Variants in USP9X observed in about 807,000 individuals in gnomAD.
USP9X encodes the protein ubiquitin carboxyl-terminal hydrolase 9X.
A neutral mutation model predicts 190.3 loss-of-function variants in USP9X; 7 were observed. That is an observed-to-expected ratio of 0.04 (90% CI 0.02 to 0.07). The LOEUF is 0.07. Ranked by LOEUF, USP9X falls within the 10% of genes least tolerant of loss-of-function variation. USP9X has a pLI of 1.00. For missense variants in USP9X, 1,010 were observed against 1,916.9 expected, an observed-to-expected ratio of 0.53 and a Z score of 8.83; for synonymous variants, 645 against 659.5, an observed-to-expected ratio of 0.98 and a Z score of 0.34.
chrX:41,112,746 G>A (rs2062119344), intron 1 of USP9X, among the ~76,000 whole-genome samples: 1 of 112,015 alleles, frequency 8.9e-6, no homozygotes, highest in African/African-American at 3.2e-5. Flanking sequence ...TGATTGTGAG[G>A]TGTATGCTAC....
rs1238214254 is a variant in USP9X, at chrX:41,127,865, C to T, written c.97-1135C>T. Among the ~76,000 whole-genome samples, 3 of 111,975 alleles carry T rather than the reference C, an allele frequency of 2.7e-5. No homozygotes were observed. In the Admixed American group the frequency reaches 2.8e-4, roughly 11 times the overall value. ...CCGTTTCTCTTAAAGGGCCATCAGC[C>T]TATAGTGAATAGAAAATTCAAGAAC... On this transcript the variant is annotated intron_variant, in intron 2 of 44. Coordinates refer to ENST00000378308, the MANE Select transcript of USP9X (RefSeq NM_001039591.3).
At chrX:41,161,623 A>G (rs1212966776) in intron 14 of USP9X, among the ~76,000 whole-genome samples, 2 of 70,023 alleles carry the variant, frequency 2.9e-5, no homozygotes, top group Admixed American at 3.8e-4. Context: ...GGCGTGAGCC[A>G]TGGCGCCCTG....
rs891557393 is a variant in USP9X, at chrX:41,180,377, C to T, written c.3149-3621C>T. Among the ~76,000 whole-genome samples, 7 of 112,676 alleles carry T rather than the reference C, an allele frequency of 6.2e-5. No individual in the cohort carries two copies. The East Asian group carries it at 8.3e-4, about 13-fold the overall frequency. On this transcript the variant is annotated intron_variant, in intron 21 of 44. Transcript: ENST00000378308. ...ACTGAATCCTTGATCTTGTGATTGG[C>T]GCTTAATGCCACCAGATGGCGAGCA...
intron 2 of USP9X, among the ~76,000 whole-genome samples, chrX:41,127,112 C>T: frequency 9.0e-6 from 1 of 111,208 alleles, no homozygotes; most frequent in Non-Finnish European, 1.9e-5. Flanking sequence ...AATTATATAT[C>T]CAGGATCCTA....
intron 1 of USP9X, among the ~76,000 whole-genome samples, chrX:41,116,366 G>A: frequency 8.9e-6 from 1 of 112,259 alleles, no homozygotes; most frequent in Middle Eastern, 4.6e-3. Flanking sequence ...GTTGTGTGTA[G>A]GATACTGCTG....
At chrX:41,151,895 C>A (rs1364980711) in intron 13 of USP9X, among the ~76,000 whole-genome samples, 3 of 112,518 alleles carry the variant, frequency 2.7e-5, no homozygotes, top group African/African-American at 6.5e-5. Context: ...GCACTAGAAT[C>A]GCTTGAGCCC....
chrX:41,132,099 A>C (rs760724237), intron 4 of USP9X, among the ~76,000 whole-genome samples: 1 of 110,807 alleles, frequency 9.0e-6, no homozygotes, highest in South Asian at 3.8e-4. Flanking sequence ...GGTAAAAATT[A>C]CCATTTCATT....
At chrX:41,119,632 G>A (rs1201584211) in intron 1 of USP9X, among the ~76,000 whole-genome samples, 1 of 111,945 alleles carries the variant, frequency 8.9e-6, no homozygotes, top group East Asian at 2.8e-4. Flanking sequence ...GAATAAAGTT[G>A]AATTGGTTAG....
At chrX:41,224,497 G>A (rs777223937) in intron 39 of USP9X, among the ~76,000 whole-genome samples, 4 of 110,190 alleles carry the variant, frequency 3.6e-5, no homozygotes, top group African/African-American at 1.3e-4. Context: ...TTAGCCAGGC[G>A]TGGTGACGTG....
At chrX:41,218,721 T>G (rs2063234800) in intron 37 of USP9X, 124 bp downstream of exon 37, 1 of 604,346 alleles carries the variant, frequency 1.7e-6, no homozygotes, top group Non-Finnish European at 2.6e-6. Flanking sequence ...ACACACAATA[T>G]GATGTCAGTG....
rs2063148072 is a variant in USP9X at position 41,210,438 on chromosome X, T to C, written c.5016-71T>C. 5.5e-6 allele frequency: 6 copies of C among 1,097,140 alleles called. No individual in the cohort carries two copies. In the East Asian group the frequency reaches 1.8e-4, roughly 33 times the overall value. 90.4% of individuals were successfully genotyped at this position (1,097,140 alleles called of 1,213,427 possible). A position where few individuals can be genotyped will look rare whatever the true frequency, so the allele number is the denominator to read the frequency against. On this transcript the variant is annotated intron_variant, in intron 32 of 44. Coordinates refer to ENST00000378308, the MANE Select transcript of USP9X (RefSeq NM_001039591.3). ...GTGGTCTTGTTGCTTTTTTTTCCCC[T>C]GAAAAATATAGTTGTACATATTGTT... is the stretch of plus-strand genomic sequence containing the variant.
rs758055868 is a variant in USP9X at position 41,178,084 on chromosome X, CTTTTTTTTTTTTTT to C, written c.3149-5897_3149-5884del. Among the ~76,000 whole-genome samples the C allele has an allele frequency of 7.7e-3, 266 of 34,328 alleles. 5 individuals are homozygous for C. Among genetic ancestry groups the C allele is most frequent in the Admixed American group, 0.066 (169 of 2,576 alleles). The allele number at this position is 34,328 out of a possible 115,157, so 29.8% of individuals were successfully genotyped here. A position where few individuals can be genotyped will look rare whatever the true frequency, so the allele number is the denominator to read the frequency against. On this transcript the variant is annotated intron_variant, in intron 21 of 44. Transcript: ENST00000378308. Reference sequence around the variant, plus strand: ...AGAAATCAAAATCCGAGGTTTAAATCTTTTTTTTTTTTTTTTTTTTTTTTTTTTTTGAGACGGAG... The same window carrying C: ...AGAAATCAAAATCCGAGGTTTAAATCTTTTTTTTTTTTTTTTGAGACGGAG...
intron 1 of USP9X, among the ~76,000 whole-genome samples, chrX:41,094,208 C>G (rs1252161376): frequency 9.8e-6 from 1 of 101,778 alleles, no homozygotes; most frequent in East Asian, 3.1e-4. Flanking sequence ...TGGAGTTTCA[C>G]TCTTGTTGCC....
rs1391838396 is a variant in USP9X, at chrX:41,225,225, C to G, written c.7061+88C>G. Reference sequence around the variant, plus strand: ...TTGACAGTCACCACATTTTTTTTAACCTATTGGAGTTCTAGTGAATGTTTT... The same window carrying G: ...TTGACAGTCACCACATTTTTTTTAAGCTATTGGAGTTCTAGTGAATGTTTT... On this transcript the variant is annotated intron_variant, in intron 41 of 44. Transcript: ENST00000378308. 28 of 838,407 alleles carry G rather than the reference C, an allele frequency of 3.3e-5. No individual in the cohort carries two copies. The African/African-American group carries it at 4.3e-4, about 13-fold the overall frequency. 69.1% of individuals were successfully genotyped at this position (838,407 alleles called of 1,213,427 possible).
chrX:41,222,207 G>A (rs1323463699), intron 38 of USP9X, among the ~76,000 whole-genome samples: 1 of 112,005 alleles, frequency 8.9e-6, no homozygotes, highest in African/African-American at 3.2e-5. Flanking sequence ...AGCCGTGAGC[G>A]TGGGCTAGAT....
intron 3 of USP9X, among the ~76,000 whole-genome samples, 171 bp downstream of exon 3, chrX:41,129,316 A>G (rs1326897347): frequency 1.8e-5 from 2 of 112,520 alleles, no homozygotes; most frequent in South Asian, 3.6e-4. Flanking sequence ...CACATTAATG[A>G]TGATGACCCT....
intron 19 of USP9X, 51 bp from the exon 20 acceptor site, chrX:41,170,419 G>A: frequency 8.5e-7 from 1 of 1,176,874 alleles, no homozygotes; most frequent in Non-Finnish European, 1.1e-6. Context: ...TTTGTGTTTT[G>A]TGTAAGTATT....
At chrX:41,197,332 C>CCCCCG in intron 28 of USP9X, 32 bp from the exon 29 acceptor site, 1 of 211,283 alleles carries the variant, frequency 4.7e-6, no homozygotes, top group Non-Finnish European at 7.8e-6. Flanking sequence ...TTGATTTCTT[C>CCCCCG]CCCCCCCCAC....
chrX:41,199,328 G>A (rs2063019630), intron 30 of USP9X, among the ~76,000 whole-genome samples: 1 of 113,002 alleles, frequency 8.8e-6, no homozygotes, highest in South Asian at 3.6e-4. Flanking sequence ...TTCATCTCAT[G>A]AAACCTGTCA....
Sources: allele counts gnomAD v4.1 joint callset (sites outside exome capture counted in the v4.1 genomes callset), GRCh38; gene constraint gnomAD v4.1.1; transcripts MANE v1.5; gene names NCBI Gene and HGNC (gene_info 2026-07-23, HGNC 2026-07-21).